TRIO: variants seen among roughly 807,000 people sequenced by gnomAD.
TRIO encodes the protein trio Rho guanine nucleotide exchange factor.
A neutral mutation model predicts 351.9 loss-of-function variants in TRIO; 58 were observed. The ratio of observed to expected loss-of-function variants is 0.16; its 90% CI spans 0.13 to 0.21. TRIO has a LOEUF of 0.21. TRIO is among the 10% of genes least tolerant of loss of function. TRIO has a pLI of 1.00. For missense variants in TRIO, 3,201 were observed against 4,027.8 expected, an observed-to-expected ratio of 0.79 and a Z score of 5.56; for synonymous variants, 1,758 against 1,595.7, an observed-to-expected ratio of 1.10 and a Z score of -2.42.
Position 14,291,187 on chromosome 5 carries a change from C to G in TRIO, c.1012C>G (p.Gln338Glu). Residue 338 changes from glutamine to glutamate, a missense_variant, in exon 5 of 57, where the codon CAG becomes GAG. Gln to Glu is a conservative substitution (Grantham distance 29). Transcript: ENST00000344204. ...MWHVRKLKLD[Q>E]CFQLRLFEQD... Reference sequence around the variant, plus strand: ...GCATGTGAGGAAGCTGAAGCTGGACCAGTGCTTCCAGCTGAGGCTGTTTGA... The same window carrying G: ...GCATGTGAGGAAGCTGAAGCTGGACGAGTGCTTCCAGCTGAGGCTGTTTGA... 6.2e-7 allele frequency: 1 copy of G among 1,614,114 alleles called. No individual in the cohort carries two copies. The highest frequency in any genetic ancestry group is 8.5e-7 in the Non-Finnish European group (1 of 1,180,002).
Position 14,280,395 on chromosome 5 carries a change from G to A in TRIO, c.306G>A (p.Glu102=). ...ARSNHDRIRQ[E]DLRRLISYLA... Reference sequence around the variant, plus strand: ...GCAATCATGACAGAATACGACAGGAGGATCTCAGGAGACTCATTTCCTATC... The same window carrying A: ...GCAATCATGACAGAATACGACAGGAAGATCTCAGGAGACTCATTTCCTATC... Residue 102 remains glutamate (E), a synonymous_variant, in exon 3 of 57, where the codon GAG becomes GAA. Transcript: ENST00000344204. 1 of 1,614,136 alleles carries A rather than the reference G, an allele frequency of 6.2e-7. No homozygotes were observed. The highest frequency in any genetic ancestry group is 1.1e-5 in the South Asian group (1 of 91,072).
chr5:14,389,145 T>C, intron 24 of TRIO, 144 bp from the exon 25 acceptor site: 2 of 585,582 alleles, frequency 3.4e-6, no homozygotes, highest in Non-Finnish European at 5.6e-6. Context: ...TTTAGAAGGG[T>C]TTTTTATGTT....
intron 11 of TRIO, among the ~76,000 whole-genome samples, chr5:14,357,932 T>G (rs10038933): frequency 1.1e-3 from 173 of 152,256 alleles, no homozygotes; most frequent in African/African-American, 3.8e-3. Context: ...CTGCCCGCCG[T>G]TCGCCTGTTT....
At chr5:14,190,298 G>A (rs1042755870) in intron 1 of TRIO, among the ~76,000 whole-genome samples, 2 of 152,174 alleles carry the variant, frequency 1.3e-5, no homozygotes, top group African/African-American at 4.8e-5. Flanking sequence ...TGAGTCAGGA[G>A]TCTTTGTGCA....
chr5:14,287,959 T>A (rs542924078), intron 4 of TRIO, among the ~76,000 whole-genome samples: 2 of 152,348 alleles, frequency 1.3e-5, no homozygotes, highest in Non-Finnish European at 1.5e-5. Flanking sequence ...TGCTATACTT[T>A]TCAAAGTGTT....
chr5:14,378,650 C>T, intron 20 of TRIO, among the ~76,000 whole-genome samples: 1 of 151,838 alleles, frequency 6.6e-6, no homozygotes, highest in East Asian at 1.9e-4. Context: ...ACCTCTGTCT[C>T]CCAGGTTCAA....
chr5:14,495,922 C>T (rs952151218), intron 49 of TRIO, among the ~76,000 whole-genome samples: 8 of 152,142 alleles, frequency 5.3e-5, no homozygotes, highest in African/African-American at 1.4e-4. Context: ...GAGCCGAGTT[C>T]GCGCCACTGC....
chr5:14,328,475 CAATGCGCTCAATACACGAGTTAAAAT>C (rs1358621285), intron 9 of TRIO, among the ~76,000 whole-genome samples: 1 of 152,126 alleles, frequency 6.6e-6, no homozygotes, highest in African/African-American at 2.4e-5. Context: ...TGAGTTAAAA[CAATGCGCTCAATACACGAGTTAAAAT>C]AATGCGCTCA....
chr5:14,458,984 C>T (rs903821201), intron 34 of TRIO, among the ~76,000 whole-genome samples: 2 of 152,222 alleles, frequency 1.3e-5, no homozygotes, highest in South Asian at 2.1e-4. Flanking sequence ...CATATAAGTA[C>T]ACAAACATAA....
intron 22 of TRIO, 44 bp from the exon 23 acceptor site, chr5:14,387,688 T>C: frequency 6.2e-7 from 1 of 1,610,430 alleles, no homozygotes; most frequent in African/African-American, 1.3e-5. Flanking sequence ...ACGCCCTCTC[T>C]GCTGATTTAA....
chr5:14,250,307 G>A (rs1581445819), intron 1 of TRIO, among the ~76,000 whole-genome samples: 5 of 152,206 alleles, frequency 3.3e-5, no homozygotes, highest in South Asian at 4.1e-4. Flanking sequence ...GGCTCAGAGC[G>A]ACTGTGCGTT....
At chr5:14,502,469 G>T in intron 53 of TRIO, 110 bp from the exon 54 acceptor site, 1 of 966,786 alleles carries the variant, frequency 1.0e-6, no homozygotes. Context: ...CGTGTGGCAG[G>T]TGCCCGGTGG....
At chr5:14,340,666 T>C (rs1172877179) in intron 11 of TRIO, among the ~76,000 whole-genome samples, 1 of 152,168 alleles carries the variant, frequency 6.6e-6, no homozygotes, top group Non-Finnish European at 1.5e-5. Context: ...AGGTGATGTT[T>C]ACTGAGCATT....
chr5:14,241,790 A>G (rs540847151), intron 1 of TRIO, among the ~76,000 whole-genome samples: 3 of 152,190 alleles, frequency 2.0e-5, no homozygotes, highest in Non-Finnish European at 4.4e-5. Flanking sequence ...CTAGGTTTAC[A>G]TGTTAGGATA....
rs926032666 is a variant in TRIO at position 14,497,573 on chromosome 5, A to T, written c.8020-274A>T. Among the ~76,000 whole-genome samples, 6 of 152,158 alleles carry T rather than the reference A, an allele frequency of 3.9e-5. No individual in the cohort carries two copies. Among genetic ancestry groups the T allele is most frequent in the Non-Finnish European group, 7.3e-5 (5 of 68,034 alleles). ...AGGGCGTTGGCGGCTCTGCATTAGGAACGCATCTGAGGACCAGCTGGACTC... is the reference window on the plus strand; with the variant it reads ...AGGGCGTTGGCGGCTCTGCATTAGGTACGCATCTGAGGACCAGCTGGACTC... On this transcript the variant is annotated intron_variant, in intron 50 of 56. Coordinates refer to ENST00000344204, the MANE Select transcript of TRIO (RefSeq NM_007118.4). The surrounding 1 kb of genome is among the most constrained non-coding windows in gnomAD (Gnocchi z 4.4).
At position 14,419,057 on chromosome 5, in the gene TRIO, G is replaced by A. The variant is rs142941649; in HGVS notation, c.4960-721G>A. 5.9e-3 allele frequency among the ~76,000 whole-genome samples: 895 copies of A among 152,256 alleles called. 9 individuals carry two copies. Among genetic ancestry groups the A allele is most frequent in the African/African-American group, 0.02 (849 of 41,540 alleles). The stretch of plus-strand genomic sequence containing the variant: ...TAGGTGAGAGTGAGCATGGTAAAAG[G>A]AGAGAAGGAGGGAAAGGAACGTCAG... On this transcript the variant is annotated intron_variant, in intron 33 of 56. Coordinates refer to ENST00000344204, the MANE Select transcript of TRIO (RefSeq NM_007118.4).
chr5:14,290,246 G>A (rs1187280562), intron 4 of TRIO, among the ~76,000 whole-genome samples: 1 of 152,212 alleles, frequency 6.6e-6, no homozygotes, highest in African/African-American at 2.4e-5. Flanking sequence ...ATGCCCTTGA[G>A]CAAGACGTTT....
chr5:14,321,127 A>ATATTGAG (rs1739841069), intron 9 of TRIO, among the ~76,000 whole-genome samples: 1 of 152,260 alleles, frequency 6.6e-6, no homozygotes, highest in East Asian at 1.9e-4. Context: ...AGCAGCTATC[A>ATATTGAG]TATTGAGGGC....
chr5:14,355,393 C>T lies in TRIO; in HGVS notation c.2047-2785C>T, dbSNP rs75102741. Reference sequence around the variant, plus strand: ...ATTTTGTCCAGAGCGTTGCTGTTGACGTGAAGCCCTCTGCTGTGTCCTCTT... The same window carrying T: ...ATTTTGTCCAGAGCGTTGCTGTTGATGTGAAGCCCTCTGCTGTGTCCTCTT... On this transcript the variant is annotated intron_variant, in intron 11 of 56. Transcript: ENST00000344204. Among the ~76,000 whole-genome samples, 733 of 152,282 alleles carry T rather than the reference C, an allele frequency of 4.8e-3. 5 individuals are homozygous for T. Among genetic ancestry groups the T allele is most frequent in the African/African-American group, 0.016 (652 of 41,552 alleles).
Sources: allele counts gnomAD v4.1 joint callset (sites outside exome capture counted in the v4.1 genomes callset), GRCh38; gene constraint gnomAD v4.1.1; non-coding constraint Gnocchi (gnomAD v3.1); transcripts MANE v1.5; gene names NCBI Gene and HGNC (gene_info 2026-07-23, HGNC 2026-07-21).